Variants in DOCK7 observed in about 807,000 individuals in gnomAD.
DOCK7 encodes dedicator of cytokinesis protein 7.
Under a neutral mutation model 271.0 loss-of-function variants are expected in DOCK7, and 138 were observed. That is an observed-to-expected ratio of 0.51 (90% CI 0.44 to 0.59). The LOEUF is 0.59. DOCK7 is among the 20% of genes least tolerant of loss of function. DOCK7 has a pLI of 0.00. For missense variants in DOCK7, 2,066 were observed against 2,592.4 expected (o/e 0.80, Z 4.41); for synonymous variants, 823 against 876.1 (o/e 0.94, Z 1.07).
intron 14 of DOCK7, chr1:62,604,039 G>A (rs755977300): frequency 1.2e-6 from 2 of 1,613,092 alleles, no homozygotes; most frequent in Non-Finnish European, 1.7e-6. Flanking sequence ...TACGAATTGA[G>A]TTGGAAGACT....
At chr1:62,684,023 T>C (rs1661456748) in intron 1 of DOCK7, among the ~76,000 whole-genome samples, 1 of 152,158 alleles carries the variant, frequency 6.6e-6, no homozygotes, top group Non-Finnish European at 1.5e-5. Flanking sequence ...GTGAATCACC[T>C]GAGGTCAGGA....
chr1:62,461,154 A>G (rs1309295668), intron 48 of DOCK7, among the ~76,000 whole-genome samples: 1 of 152,222 alleles, frequency 6.6e-6, no homozygotes, highest in Non-Finnish European at 1.5e-5. Flanking sequence ...AAAAACCTGT[A>G]GCAAACATAC....
chr1:62,586,823 A>G (rs1475097516), intron 14 of DOCK7, among the ~76,000 whole-genome samples, 199 bp from the exon 15 acceptor site: 2 of 152,162 alleles, frequency 1.3e-5, no homozygotes, highest in Admixed American at 6.5e-5. Context: ...ACATGTCCCA[A>G]TTTTGCAGAT....
At chr1:62,479,723 ACC>A (rs1646065726) in intron 43 of DOCK7, 1 of 382,994 alleles carries the variant, frequency 2.6e-6, no homozygotes, top group Non-Finnish European at 5.4e-6. Context: ...TCACTCCATT[ACC>A]CAGACTGGAA....
At chr1:62,533,385 T>G (rs1220219790) in intron 29 of DOCK7, among the ~76,000 whole-genome samples, 2 of 152,110 alleles carry the variant, frequency 1.3e-5, no homozygotes, top group Non-Finnish European at 2.9e-5. Context: ...GCTAGTATGT[T>G]TAGGTAAGTT....
chr1:62,542,819 G>T, intron 24 of DOCK7, 116 bp from the exon 25 acceptor site: 2 of 882,648 alleles, frequency 2.3e-6, no homozygotes, highest in African/African-American at 1.7e-5. Flanking sequence ...TAAGGCACGT[G>T]AACCATTCAA....
chr1:62,620,016 A>G (rs766414533), intron 12 of DOCK7, 23 bp from the exon 13 acceptor site: 2 of 1,586,598 alleles, frequency 1.3e-6, no homozygotes, highest in Admixed American at 3.4e-5. Context: ...ATAGAGGAAA[A>G]AGTATTTGAT....
At chr1:62,480,414 A>C (rs1279007537) in intron 43 of DOCK7, among the ~76,000 whole-genome samples, 2 of 152,248 alleles carry the variant, frequency 1.3e-5, no homozygotes, top group Non-Finnish European at 2.9e-5. Flanking sequence ...AGTAAAAATA[A>C]GTTAGACTTG....
chr1:62,651,494 G>A (rs1320901281), intron 4 of DOCK7, among the ~76,000 whole-genome samples: 6 of 132,208 alleles, frequency 4.5e-5, no homozygotes, highest in Middle Eastern at 3.9e-3. Context: ...CGCATGGCTC[G>A]CAGACCTCTG....
At chr1:62,633,455 C>A in intron 10 of DOCK7, 43 bp downstream of exon 10, 1 of 1,423,814 alleles carries the variant, frequency 7.0e-7, no homozygotes, top group Non-Finnish European at 9.9e-7. Flanking sequence ...TCCCAAGTTA[C>A]AATAGTAATA....
chr1:62,479,440 T>C (rs1343052362), intron 43 of DOCK7, among the ~76,000 whole-genome samples: 3 of 152,166 alleles, frequency 2.0e-5, no homozygotes, highest in African/African-American at 7.2e-5. Flanking sequence ...AAAAATTAAC[T>C]GATTTCTACA....
chr1:62,539,787 T>C lies in DOCK7; in HGVS notation c.3151A>G (p.Thr1051Ala). 6.2e-7 allele frequency: 1 copy of C among 1,613,558 alleles called. No homozygotes were observed. The highest frequency in any genetic ancestry group is 8.5e-7 in the Non-Finnish European group (1 of 1,179,878). ...FMDDIAALVS[T>A]IASDIVSRFQ... ...CGTGAAACTATATCACTAGCAATCG[T>C]GCTGACAAGAGCTGCAATGTCATCC... is the stretch of plus-strand genomic sequence containing the variant. Residue 1051 changes from threonine (T) to alanine (A), a missense_variant, in exon 26 of 50, where the codon ACG becomes GCG. Thr to Ala is a moderately conservative substitution (Grantham distance 58). Around this residue, in one of 2 missense-constraint regions of DOCK7, gnomAD observed 1,414 missense variants for 1,670.4 expected, o/e 0.85. Transcript: ENST00000635253.
intron 31 of DOCK7, among the ~76,000 whole-genome samples, chr1:62,514,160 T>C (rs569305456): frequency 1.9e-4 from 29 of 152,058 alleles, no homozygotes; most frequent in African/African-American, 7.0e-4. Flanking sequence ...GATAAATAAA[T>C]GTTAATAAAA....
At chr1:62,640,281 A>C (rs1485838781) in intron 7 of DOCK7, among the ~76,000 whole-genome samples, 2 of 152,122 alleles carry the variant, frequency 1.3e-5, no homozygotes, top group African/African-American at 4.8e-5. Context: ...TGGGAGGCCG[A>C]GGCAGGTGGA....
intron 14 of DOCK7, among the ~76,000 whole-genome samples, chr1:62,589,013 A>AT (rs1648022201): frequency 6.6e-6 from 1 of 152,200 alleles, no homozygotes; most frequent in Admixed American, 6.5e-5. Flanking sequence ...AAATGCTGGG[A>AT]TAACAGGCAC....
At position 62,672,176 on chromosome 1, in the gene DOCK7, T is replaced by C. The variant is rs145300170; in HGVS notation, c.39-9046A>G. ...CTTGGTATCCTTCAAGAAATAGATG[T>C]GTATCTATCATTACATATATAAGAA... On this transcript the variant is annotated intron_variant, in intron 1 of 49. Coordinates refer to ENST00000635253, the MANE Select transcript of DOCK7 (RefSeq NM_001367561.1). Among the ~76,000 whole-genome samples, 812 of 152,276 alleles carry C rather than the reference T, an allele frequency of 5.3e-3. 12 individuals are homozygous for C. The highest frequency in any genetic ancestry group is 0.018 in the African/African-American group (765 of 41,570).
chr1:62,604,465 A>C (rs1650649960), intron 14 of DOCK7: 8 of 905,814 alleles, frequency 8.8e-6, no homozygotes, highest in Non-Finnish European at 1.0e-5. Flanking sequence ...TAGATTATTT[A>C]TACAGATTAT....
chr1:62,583,095 A>AG, intron 16 of DOCK7, 89 bp downstream of exon 16: 1 of 1,095,748 alleles, frequency 9.1e-7, no homozygotes, highest in Non-Finnish European at 1.4e-6. Flanking sequence ...CATTTAGTGC[A>AG]GCAAAGCATT....
At position 62,538,128 on chromosome 1, in the gene DOCK7, A is replaced by C. The variant is rs560033328; in HGVS notation, c.3301-67T>G. The stretch of plus-strand genomic sequence containing the variant: ...ATTATTTCTTTAATACTAATACCAG[A>C]ATGGCAAATTAGAATTAAAGAGATA... On this transcript the variant is annotated intron_variant, in intron 27 of 49. Transcript: ENST00000635253. 6 of 1,490,016 alleles carry C rather than the reference A, an allele frequency of 4.0e-6. No individual in the cohort carries two copies. The South Asian group carries it at 6.9e-5, about 17-fold the overall frequency. The allele number at this position is 1,490,016 out of a possible 1,614,324, so 92.3% of individuals were successfully genotyped here. A position where few individuals can be genotyped will look rare whatever the true frequency, so the allele number is the denominator to read the frequency against.
Sources: allele counts gnomAD v4.1 joint callset (sites outside exome capture counted in the v4.1 genomes callset), GRCh38; gene constraint gnomAD v4.1.1; regional missense constraint gnomAD v4.1.1; transcripts MANE v1.5; gene names NCBI Gene and HGNC (gene_info 2026-07-23, HGNC 2026-07-21).